Variants in NDUFS4 observed in about 807,000 individuals in gnomAD.
The protein encoded by NDUFS4 is NADH:ubiquinone oxidoreductase subunit S4, also known as NADH dehydrogenase [ubiquinone] iron-sulfur protein 4, mitochondrial.
Under a neutral mutation model 24.3 loss-of-function variants are expected in NDUFS4, and 28 were observed. The observed-to-expected ratio is 1.15, with a 90% confidence interval of 0.85 to 1.58. NDUFS4 has a LOEUF of 1.58. Ranked by LOEUF, NDUFS4 falls within the 40% of genes most tolerant of loss-of-function variation. NDUFS4 has a pLI of 0.00. For synonymous variants in NDUFS4, 93 were observed against 69.7 expected (o/e 1.34, Z -1.67); for missense variants, 223 against 207.9 (o/e 1.07, Z -0.45).
chr5:53,658,028 T>C (rs1752215190), intron 3 of NDUFS4, among the ~76,000 whole-genome samples: 1 of 152,194 alleles, frequency 6.6e-6, no homozygotes, highest in Admixed American at 6.5e-5. Context: ...CATTGAAGAA[T>C]TCAATTGGAT....
At chr5:53,563,899 A>G (rs181370722) in intron 1 of NDUFS4, among the ~76,000 whole-genome samples, 2 of 152,232 alleles carry the variant, frequency 1.3e-5, no homozygotes, top group Non-Finnish European at 2.9e-5. Flanking sequence ...GCCAGATGAA[A>G]TGGCACTCTA....
At chr5:53,673,703 G>T (rs1740365907) in intron 4 of NDUFS4, among the ~76,000 whole-genome samples, 1 of 152,060 alleles carries the variant, frequency 6.6e-6, no homozygotes, top group Non-Finnish European at 1.5e-5. Flanking sequence ...TTACCTCTCT[G>T]CCACCATTTC....
At chr5:53,670,097 C>T (rs534648025) in intron 4 of NDUFS4, among the ~76,000 whole-genome samples, 156 of 152,082 alleles carry the variant, frequency 1.0e-3, no homozygotes, top group African/African-American at 3.6e-3. Flanking sequence ...TGTATTGAAA[C>T]AAAATGATTA....
At chr5:53,642,678 T>C (rs958502009) in intron 2 of NDUFS4, among the ~76,000 whole-genome samples, 2 of 152,154 alleles carry the variant, frequency 1.3e-5, no homozygotes, top group Non-Finnish European at 2.9e-5. Flanking sequence ...AGTTTTAATA[T>C]GGAAAACTAG....
intron 1 of NDUFS4, among the ~76,000 whole-genome samples, chr5:53,589,704 A>G (rs1013005662): frequency 3.3e-5 from 5 of 152,170 alleles, no homozygotes; most frequent in African/African-American, 9.7e-5. Context: ...CATTTGAGTC[A>G]GTGGGCTGGG....
At chr5:53,681,980 T>G (rs1204430354) in intron 4 of NDUFS4, among the ~76,000 whole-genome samples, 1 of 142,040 alleles carries the variant, frequency 7.0e-6, no homozygotes. Context: ...ATCAAGAGGC[T>G]CACTTAATTA....
chr5:53,649,214 T>A (rs1015887308), intron 3 of NDUFS4, among the ~76,000 whole-genome samples: 24 of 152,220 alleles, frequency 1.6e-4, no homozygotes, highest in African/African-American at 1.4e-4. Flanking sequence ...TGTTCTTTTT[T>A]AAATTTTAGA....
chr5:53,560,725 T>C lies in NDUFS4; in HGVS notation c.63T>C (p.Ala21=), dbSNP rs1748807433. The C allele has an allele frequency of 6.2e-7, 1 of 1,614,252 alleles. No homozygotes were observed. Among genetic ancestry groups the C allele is most frequent in the Non-Finnish European group, 8.5e-7 (1 of 1,180,030 alleles). The change falls in exon 1 of 5, where the codon GCT becomes GCC. Residue 21 remains alanine, a synonymous_variant. Coordinates refer to ENST00000296684, the MANE Select transcript of NDUFS4 (RefSeq NM_002495.4). ...RQTLWRRRAV[A]VAALSVSRVP... ...CGTTGTGGCGGAGAAGGGCAGTGGC[T>C]GTAGCTGCCCTTTCCGTTTCCAGGG...
At chr5:53,615,253 G>A (rs1183219772) in intron 2 of NDUFS4, among the ~76,000 whole-genome samples, 2 of 151,942 alleles carry the variant, frequency 1.3e-5, no homozygotes, top group Admixed American at 6.6e-5. Flanking sequence ...ACTTAAACTT[G>A]TTAAAGCCTT....
At chr5:53,667,207 T>A (rs194364) in intron 4 of NDUFS4, among the ~76,000 whole-genome samples, 1 of 151,682 alleles carries the variant, frequency 6.6e-6, no homozygotes, top group Admixed American at 6.6e-5. Flanking sequence ...GGCTCACGCC[T>A]GTAATCCCAG....
chr5:53,588,745 C>A (rs577996556), intron 1 of NDUFS4, among the ~76,000 whole-genome samples: 43 of 152,232 alleles, frequency 2.8e-4, no homozygotes, highest in Admixed American at 7.8e-4. Context: ...CAACTTGTAC[C>A]AACTAGCTTT....
chr5:53,645,506 T>C (rs1751835345), intron 2 of NDUFS4, among the ~76,000 whole-genome samples: 1 of 152,218 alleles, frequency 6.6e-6, no homozygotes, highest in Non-Finnish European at 1.5e-5. Context: ...CTGTGCATTT[T>C]CAAAATGAGC....
intron 2 of NDUFS4, among the ~76,000 whole-genome samples, chr5:53,632,575 C>T (rs559925334): frequency 1.3e-5 from 2 of 152,236 alleles, no homozygotes; most frequent in African/African-American, 4.8e-5. Context: ...GAATGCCAAT[C>T]CCTACCTTTT....
At chr5:53,591,461 T>TGGGGGGGGG (rs374748766) in intron 1 of NDUFS4, among the ~76,000 whole-genome samples, 2 of 81,190 alleles carry the variant, frequency 2.5e-5, no homozygotes, top group Non-Finnish European at 4.7e-5. Context: ...TTGTTTTTTT[T>TGGGGGGGGG]GGGGGGGGGG....
At chr5:53,638,371 G>T (rs568923923) in intron 2 of NDUFS4, among the ~76,000 whole-genome samples, 1 of 152,202 alleles carries the variant, frequency 6.6e-6, no homozygotes, top group African/African-American at 2.4e-5. Flanking sequence ...AGTAAAAAAT[G>T]TCAAAAGGTT....
chr5:53,579,036 T>G (rs1749473813), intron 1 of NDUFS4, among the ~76,000 whole-genome samples: 1 of 152,210 alleles, frequency 6.6e-6, no homozygotes, highest in Non-Finnish European at 1.5e-5. Flanking sequence ...TTGATCAAGG[T>G]CAGCAGTGAC....
intron 4 of NDUFS4, among the ~76,000 whole-genome samples, chr5:53,663,821 A>T (rs202128216): frequency 6.6e-6 from 1 of 152,132 alleles, no homozygotes; most frequent in Non-Finnish European, 1.5e-5. Context: ...TGGAGCATTT[A>T]GCCCATTTAC....
chr5:53,638,780 C>A (rs933307319), intron 2 of NDUFS4, among the ~76,000 whole-genome samples: 2 of 152,000 alleles, frequency 1.3e-5, no homozygotes, highest in African/African-American at 4.8e-5. Flanking sequence ...AAAGGAAAAC[C>A]TTCACTTTCT....
intron 3 of NDUFS4, 148 bp downstream of exon 3, chr5:53,646,553 C>CTTA: frequency 1.3e-6 from 1 of 773,478 alleles, no homozygotes; most frequent in Non-Finnish European, 2.1e-6. Flanking sequence ...CTCAAAGATA[C>CTTA]ACATTATATA....
Sources: gnomAD v4.1 joint callset for allele counts (sites outside exome capture counted in the v4.1 genomes callset) on GRCh38, gnomAD v4.1.1 for gene constraint, MANE v1.5 for transcripts, NCBI Gene and HGNC (gene_info 2026-07-23, HGNC 2026-07-21) for gene names.